NFIB: variants seen among roughly 807,000 people sequenced by gnomAD.
The protein encoded by NFIB is nuclear factor I B, also known as nuclear factor 1 B-type.
A neutral mutation model predicts 61.5 loss-of-function variants in NFIB; 11 were observed. That is an observed-to-expected ratio of 0.18 (90% CI 0.11 to 0.30). The LOEUF (loss-of-function observed/expected upper bound fraction) is 0.30. Among genes scored for constraint, NFIB ranks in the 10% least tolerant of loss-of-function variants. The pLI, the probability that NFIB is intolerant of heterozygous loss-of-function variation, is 1.00. For missense variants in NFIB, 471 were observed against 608.9 expected, an observed-to-expected ratio of 0.77 and a Z score of 2.38; for synonymous variants, 260 against 216.5, an observed-to-expected ratio of 1.20 and a Z score of -1.76.
rs186485552 is a variant in NFIB, at chr9:14,179,078, C to A, written c.616+649G>T. 3.5e-4 allele frequency among the ~76,000 whole-genome samples: 54 copies of A among 152,188 alleles called. 1 individual carries two copies. In the East Asian group the frequency reaches 7.5e-3, roughly 21 times the overall value. On this transcript the variant is annotated intron_variant, in intron 3 of 10. Coordinates refer to ENST00000380953, the MANE Select transcript of NFIB (RefSeq NM_001190737.2). ...TAGTTTTATCTCATGAGAAAAAACA[C>A]TGTTCCTAAATCAAAAGCAAAATGT...
chr9:14,310,573 G>T (rs537609580), intron 1 of NFIB, among the ~76,000 whole-genome samples: 2 of 152,014 alleles, frequency 1.3e-5, no homozygotes, highest in East Asian at 3.9e-4. Context: ...GGTGATTAAG[G>T]TTTTCAAATA....
At chr9:14,454,987 T>C in the NFIB span, among the ~76,000 whole-genome samples, 3,743 of 152,316 alleles carry the variant, frequency 0.025, 104 homozygotes, top group African/African-American at 0.06. Flanking sequence ...TGAGTGGGAA[T>C]AGGTATGTAA....
At position 14,087,436 on chromosome 9, in the gene NFIB, G is replaced by T. The variant is rs568359142; in HGVS notation, c.*873C>A. On this transcript the variant is annotated 3_prime_UTR_variant, in exon 11 of 11. Coordinates refer to ENST00000380953, the MANE Select transcript of NFIB (RefSeq NM_001190737.2). ...AGATATAAATTTATAAATTGCACTT[G>T]CCTCTGTTAAGTGTTTCTTTTGTGG... 4.6e-6 allele frequency: 1 copy of T among 215,230 alleles called. No homozygotes were observed. The highest frequency in any genetic ancestry group is 6.9e-5 in the East Asian group (1 of 14,564). 13.3% of individuals were successfully genotyped at this position (215,230 alleles called of 1,614,324 possible). A position where few individuals can be genotyped will look rare whatever the true frequency, so the allele number is the denominator to read the frequency against.
intron 1 of NFIB, among the ~76,000 whole-genome samples, chr9:14,320,892 A>G (rs577258899): frequency 6.6e-5 from 10 of 152,170 alleles, no homozygotes; most frequent in African/African-American, 2.2e-4. Context: ...GTCAGAGTTA[A>G]TCTTGTGTAT....
At chr9:14,416,255 T>G in the NFIB span, among the ~76,000 whole-genome samples, 1 of 152,194 alleles carries the variant, frequency 6.6e-6, no homozygotes, top group African/African-American at 2.4e-5. Flanking sequence ...TACTCTACTT[T>G]TTATTGTTAT....
intron 2 of NFIB, among the ~76,000 whole-genome samples, chr9:14,285,402 G>A (rs1215448661): frequency 6.6e-6 from 1 of 152,328 alleles, no homozygotes; most frequent in African/African-American, 2.4e-5. Flanking sequence ...GATTACAGGC[G>A]TGAGCCATCG....
At chr9:14,112,529 T>C (rs1450238944) in intron 10 of NFIB, among the ~76,000 whole-genome samples, 1 of 152,240 alleles carries the variant, frequency 6.6e-6, no homozygotes, top group Non-Finnish European at 1.5e-5. Flanking sequence ...AGGAATGAAG[T>C]GTCGCCTGAG....
chr9:14,427,679 G>C, the NFIB span, among the ~76,000 whole-genome samples: 1 of 152,144 alleles, frequency 6.6e-6, no homozygotes, highest in Non-Finnish European at 1.5e-5. Flanking sequence ...AAGGAATAGA[G>C]AGCTTATGTT....
chr9:14,435,777 T>C, the NFIB span, among the ~76,000 whole-genome samples: 1 of 152,224 alleles, frequency 6.6e-6, no homozygotes, highest in African/African-American at 2.4e-5. Flanking sequence ...AGTTCTGCTC[T>C]GTGTTTAAAA....
chr9:14,492,521 A>G, the NFIB span, among the ~76,000 whole-genome samples: 2 of 152,076 alleles, frequency 1.3e-5, no homozygotes, highest in African/African-American at 4.8e-5. Context: ...ACTTACAATC[A>G]TGGTGGAAGG....
chr9:14,313,905 T>A lies in NFIB; in HGVS notation c.-394A>T, dbSNP rs1251265599. ...CGCGAAGGTTCGGTGTGGGTTGGAT[T>A]GGGGTGGTGGTTGGTGGTAAAATGC... On this transcript the variant is annotated 5_prime_UTR_variant, in exon 1 of 11. Coordinates refer to ENST00000380953, the MANE Select transcript of NFIB (RefSeq NM_001190737.2). The surrounding 1 kb of genome is among the most constrained non-coding windows in gnomAD (Gnocchi z 4.5). The A allele has an allele frequency of 1.0e-6, 1 of 966,534 alleles. No homozygotes were observed. Among genetic ancestry groups the A allele is most frequent in the African/African-American group, 2.1e-5 (1 of 47,764 alleles). 59.9% of individuals were successfully genotyped at this position (966,534 alleles called of 1,614,324 possible).
chr9:14,200,859 C>A (rs2048962197), intron 2 of NFIB, among the ~76,000 whole-genome samples: 1 of 152,166 alleles, frequency 6.6e-6, no homozygotes, highest in African/African-American at 2.4e-5. Context: ...CTAGCCCTAA[C>A]CTCTTCTTTA....
intron 2 of NFIB, among the ~76,000 whole-genome samples, chr9:14,288,711 C>T (rs1158626970): frequency 6.6e-6 from 1 of 151,934 alleles, no homozygotes; most frequent in Non-Finnish European, 1.5e-5. Context: ...ATACTTGTCC[C>T]ACTATCTTTG....
At chr9:14,346,596 G>A (rs1049038855) in intron 1 of NFIB, among the ~76,000 whole-genome samples, 2 of 152,168 alleles carry the variant, frequency 1.3e-5, no homozygotes, top group African/African-American at 2.4e-5. Flanking sequence ...ATCCAGTTTC[G>A]CCACAACGTT....
chr9:14,082,837 C>G lies in NFIB; in HGVS notation c.*5472G>C, dbSNP rs34826751. The G allele has an allele frequency of 1.4e-3, 290 of 205,866 alleles. 1 individual carries two copies. The highest frequency in any genetic ancestry group is 2.3e-3 in the Non-Finnish European group (227 of 100,800). The allele number at this position is 205,866 out of a possible 1,614,324, so 12.8% of individuals were successfully genotyped here. A position where few individuals can be genotyped will look rare whatever the true frequency, so the allele number is the denominator to read the frequency against. On this transcript the variant is annotated 3_prime_UTR_variant, in exon 11 of 11. Coordinates refer to ENST00000380953, the MANE Select transcript of NFIB (RefSeq NM_001190737.2). ...AGAGATATATTTGCCACATCAGTCCCTGTAGCACAGTTTTCAAAACCATTC... is the reference window on the plus strand; with the variant it reads ...AGAGATATATTTGCCACATCAGTCCGTGTAGCACAGTTTTCAAAACCATTC...
intron 10 of NFIB, among the ~76,000 whole-genome samples, chr9:14,107,355 A>C: frequency 6.6e-6 from 1 of 152,150 alleles, no homozygotes; most frequent in African/African-American, 2.4e-5. Context: ...ACTCAAGATC[A>C]TCCTCATATC....
chr9:14,314,320 C>CCCGG (rs2060439694), upstream of NFIB: 1 of 205,802 alleles, frequency 4.9e-6, no homozygotes, highest in African/African-American at 2.4e-5. Context: ...GTCTTCGGCG[C>CCCGG]CCGGCCGCCC....
At chr9:14,146,564 G>T in intron 6 of NFIB, 125 bp downstream of exon 6, 1 of 1,326,418 alleles carries the variant, frequency 7.5e-7, no homozygotes, top group South Asian at 1.3e-5. Context: ...AATTCTACAG[G>T]AATCATTTTA....
intron 1 of NFIB, among the ~76,000 whole-genome samples, chr9:14,372,715 G>C (rs922407300): frequency 6.6e-6 from 1 of 152,120 alleles, no homozygotes; most frequent in African/African-American, 2.4e-5. Context: ...GGTCCAGCGG[G>C]TGCCCTGCTT....
Sources: allele counts gnomAD v4.1 joint callset (sites outside exome capture counted in the v4.1 genomes callset), GRCh38; gene constraint gnomAD v4.1.1; non-coding constraint Gnocchi (gnomAD v3.1); transcripts MANE v1.5; gene names NCBI Gene and HGNC (gene_info 2026-07-23, HGNC 2026-07-21).